Variants in CAMKMT observed in about 807,000 individuals in gnomAD.
CAMKMT encodes the protein CaM KMT.
CAMKMT carries 53 observed loss-of-function variants against 48.0 expected under a neutral mutation model. The observed-to-expected ratio is 1.10, with a 90% CI of 0.89 to 1.39. The LOEUF is 1.39. Among genes scored for constraint, CAMKMT ranks in the 40% most tolerant of loss-of-function variants. The pLI, the probability that CAMKMT is intolerant of heterozygous loss-of-function variation, is 0.00. For missense variants in CAMKMT, 428 were observed against 402.7 expected, an observed-to-expected ratio of 1.06 and a Z score of -0.54; for synonymous variants, 165 against 152.3, an observed-to-expected ratio of 1.08 and a Z score of -0.61.
At chr2:44,768,332 G>A (rs1680933205) in intron 10 of CAMKMT, among the ~76,000 whole-genome samples, 1 of 135,126 alleles carries the variant, frequency 7.4e-6, no homozygotes, top group Non-Finnish European at 1.6e-5. Context: ...AGGTATAAAC[G>A]GGCGCCCATG....
chr2:44,518,745 G>A (rs959076418), intron 3 of CAMKMT, among the ~76,000 whole-genome samples: 3 of 152,162 alleles, frequency 2.0e-5, no homozygotes, highest in Non-Finnish European at 2.9e-5. Context: ...TGATGATGAT[G>A]TATATTTCTG....
chr2:44,692,810 G>A (rs1676738020), intron 3 of CAMKMT, among the ~76,000 whole-genome samples: 1 of 152,108 alleles, frequency 6.6e-6, no homozygotes, highest in African/African-American at 2.4e-5. Flanking sequence ...GCTCAGAAAG[G>A]ATAAATTACT....
intron 7 of CAMKMT, among the ~76,000 whole-genome samples, chr2:44,727,819 G>C (rs569737649): frequency 2.6e-5 from 4 of 152,256 alleles, no homozygotes; most frequent in South Asian, 2.1e-4. Context: ...TATCATGAAG[G>C]GATGTTGGAG....
intron 3 of CAMKMT, among the ~76,000 whole-genome samples, chr2:44,695,938 A>T (rs968451950): frequency 2.0e-5 from 3 of 151,744 alleles, no homozygotes; most frequent in Admixed American, 2.0e-4. Context: ...TAACACAAAA[A>T]TTTTTATTTT....
At chr2:44,398,546 C>G (rs148086263) in intron 3 of CAMKMT, among the ~76,000 whole-genome samples, 1 of 142,146 alleles carries the variant, frequency 7.0e-6, no homozygotes, top group East Asian at 2.0e-4. Context: ...ACTTCAGTTT[C>G]TTTCTTTTTT....
At chr2:44,467,243 A>C (rs10190127) in intron 3 of CAMKMT, among the ~76,000 whole-genome samples, 6,267 of 152,162 alleles carry the variant, frequency 0.041, 432 homozygotes, top group African/African-American at 0.14. Context: ...CCCTGTCTCC[A>C]AAAACAAAAA....
intron 3 of CAMKMT, among the ~76,000 whole-genome samples, chr2:44,642,197 A>G (rs1334374609): frequency 6.6e-6 from 1 of 152,256 alleles, no homozygotes; most frequent in East Asian, 1.9e-4. Flanking sequence ...TTGTTGGCTA[A>G]AAGTTATCTT....
chr2:44,511,439 C>G (rs547859619), intron 3 of CAMKMT, among the ~76,000 whole-genome samples: 2 of 152,288 alleles, frequency 1.3e-5, no homozygotes, highest in Non-Finnish European at 2.9e-5. Context: ...CAGGTGTGCA[C>G]TAACACGCCT....
intron 3 of CAMKMT, among the ~76,000 whole-genome samples, chr2:44,668,069 A>G (rs187858083): frequency 8.5e-5 from 13 of 152,348 alleles, no homozygotes; most frequent in Admixed American, 8.5e-4. Flanking sequence ...TAATGACCAC[A>G]GATCTCAAAT....
chr2:44,735,218 T>A (rs1054650175), intron 7 of CAMKMT, among the ~76,000 whole-genome samples: 13 of 152,222 alleles, frequency 8.5e-5, no homozygotes, highest in African/African-American at 2.9e-4. Context: ...ATCTTTTTAC[T>A]TTTAACCTAG....
chr2:44,548,674 C>T (rs549853672), intron 3 of CAMKMT, among the ~76,000 whole-genome samples: 5 of 152,252 alleles, frequency 3.3e-5, no homozygotes, highest in South Asian at 2.1e-4. Context: ...AAGTCAGAGA[C>T]GAAGCAGGAG....
intron 3 of CAMKMT, among the ~76,000 whole-genome samples, chr2:44,441,054 A>G (rs1337513982): frequency 6.6e-6 from 1 of 152,154 alleles, no homozygotes; most frequent in Admixed American, 6.5e-5. Context: ...GAATTCACCT[A>G]TTAAATCATA....
chr2:44,703,249 G>C (rs1677354228), intron 3 of CAMKMT, among the ~76,000 whole-genome samples: 2 of 152,112 alleles, frequency 1.3e-5, no homozygotes, highest in African/African-American at 4.8e-5. Context: ...CTACCATCCT[G>C]TGATAACAAC....
chr2:44,494,551 A>T lies in CAMKMT; in HGVS notation c.376+104246A>T, dbSNP rs562886767. On this transcript the variant is annotated intron_variant, in intron 3 of 10. Coordinates refer to ENST00000378494, the MANE Select transcript of CAMKMT (RefSeq NM_024766.5). Reference sequence around the variant, plus strand: ...ATAACATAAAACACTAGGACATAAAAATGGAAACATTTTCAGTGCTAACAT... The same window carrying T: ...ATAACATAAAACACTAGGACATAAATATGGAAACATTTTCAGTGCTAACAT... 2.6e-5 allele frequency among the ~76,000 whole-genome samples: 4 copies of T among 152,324 alleles called. No individual in the cohort carries two copies. In the South Asian group the frequency reaches 8.3e-4, roughly 32 times the overall value.
chr2:44,398,809 A>G (rs1313040335), intron 3 of CAMKMT, among the ~76,000 whole-genome samples: 2 of 152,192 alleles, frequency 1.3e-5, no homozygotes, highest in Admixed American at 6.5e-5. Context: ...TTTGACATTT[A>G]TATGAACTGT....
chr2:44,564,732 G>T (rs539650473), intron 3 of CAMKMT, among the ~76,000 whole-genome samples: 10 of 152,208 alleles, frequency 6.6e-5, no homozygotes, highest in Admixed American at 3.3e-4. Flanking sequence ...TAGAGATGGG[G>T]TTTTACCATG....
intron 3 of CAMKMT, among the ~76,000 whole-genome samples, chr2:44,440,266 A>T (rs1666565684): frequency 6.6e-6 from 1 of 152,112 alleles, no homozygotes; most frequent in Non-Finnish European, 1.5e-5. Flanking sequence ...TGGGCTCTTG[A>T]TGTAACCTCG....
At chr2:44,390,753 G>C (rs1171346221) in intron 3 of CAMKMT, among the ~76,000 whole-genome samples, 1 of 151,898 alleles carries the variant, frequency 6.6e-6, no homozygotes, top group Non-Finnish European at 1.5e-5. Flanking sequence ...TATTTTTCTT[G>C]ATGCTACTAT....
chr2:44,410,247 ATTTTT>A (rs1164693728), intron 3 of CAMKMT, among the ~76,000 whole-genome samples: 1 of 19,468 alleles, frequency 5.1e-5, no homozygotes. Context: ...ATATATATAT[ATTTTT>A]TTTTTTTTTT....
Sources: gnomAD v4.1 joint callset for allele counts (sites outside exome capture counted in the v4.1 genomes callset) on GRCh38, gnomAD v4.1.1 for gene constraint, MANE v1.5 for transcripts, NCBI Gene and HGNC (gene_info 2026-07-23, HGNC 2026-07-21) for gene names.